The following NGF variants were observed in gnomAD, a reference collection of about 807,000 sequenced individuals.
The protein encoded by NGF is beta-nerve growth factor.
A neutral mutation model predicts 12.8 loss-of-function variants in NGF; 4 were observed. The observed-to-expected ratio is 0.31, with a 90% CI of 0.15 to 0.72. The LOEUF is 0.72. Among genes scored for constraint, NGF ranks in the 30% least tolerant of loss-of-function variants. The pLI is 0.69. For synonymous variants in NGF, 140 were observed against 130.0 expected (o/e 1.08, Z -0.52); for missense variants, 283 against 330.8 (o/e 0.86, Z 1.12).
At chr1:115,300,864 G>A (rs933431624) in intron 1 of NGF, among the ~76,000 whole-genome samples, 11 of 152,186 alleles carry the variant, frequency 7.2e-5, no homozygotes, top group African/African-American at 2.4e-4. Flanking sequence ...AGTCCCACAT[G>A]GGCTCCTATT....
chr1:115,319,054 G>A (rs1049479998), intron 1 of NGF, among the ~76,000 whole-genome samples: 1 of 152,282 alleles, frequency 6.6e-6, no homozygotes. Flanking sequence ...AGACATACAG[G>A]TCTTATTCAG....
chr1:115,299,145 T>A (rs916523022), intron 1 of NGF, among the ~76,000 whole-genome samples: 2 of 152,182 alleles, frequency 1.3e-5, no homozygotes, highest in Non-Finnish European at 2.9e-5. Flanking sequence ...GCACATCCAA[T>A]AGGAAAATAA....
intron 1 of NGF, among the ~76,000 whole-genome samples, chr1:115,298,766 C>T (rs984604563): frequency 6.6e-6 from 1 of 151,698 alleles, no homozygotes; most frequent in Admixed American, 6.6e-5. Context: ...TGGTAATAGC[C>T]AAATCGATCA....
At chr1:115,328,219 C>T (rs1654826292) in intron 1 of NGF, among the ~76,000 whole-genome samples, 1 of 152,122 alleles carries the variant, frequency 6.6e-6, no homozygotes, top group Non-Finnish European at 1.5e-5. Flanking sequence ...AGAATGGGGG[C>T]AGGCTAAGCT....
chr1:115,293,206 T>A (rs1238341022), intron 2 of NGF, among the ~76,000 whole-genome samples: 1 of 152,054 alleles, frequency 6.6e-6, no homozygotes, highest in Non-Finnish European at 1.5e-5. Context: ...GAGCCACACC[T>A]CCTGTGTGCA....
At chr1:115,313,886 A>C (rs957929088) in intron 1 of NGF, among the ~76,000 whole-genome samples, 10 of 152,208 alleles carry the variant, frequency 6.6e-5, no homozygotes, top group African/African-American at 2.4e-4. Flanking sequence ...AATTCCTAGT[A>C]CATTGTGTCA....
chr1:115,327,221 G>C (rs554265449), intron 1 of NGF, among the ~76,000 whole-genome samples: 1 of 152,292 alleles, frequency 6.6e-6, no homozygotes, highest in South Asian at 2.1e-4. Context: ...TGAACATTTT[G>C]TGCACCATGT....
chr1:115,295,001 A>C (rs570867229), intron 1 of NGF, among the ~76,000 whole-genome samples: 1 of 152,168 alleles, frequency 6.6e-6, no homozygotes, highest in Non-Finnish European at 1.5e-5. Flanking sequence ...CCTCCCAATA[A>C]AGTTCTAGAA....
chr1:115,337,281 T>TTTG (rs1557950875), intron 1 of NGF, among the ~76,000 whole-genome samples: 1 of 88,442 alleles, frequency 1.1e-5, no homozygotes, highest in Non-Finnish European at 2.5e-5. Flanking sequence ...TTTTTTTTTT[T>TTTG]TTTTTTTTTT....
intron 1 of NGF, among the ~76,000 whole-genome samples, chr1:115,328,167 G>A (rs2101053317): frequency 1.8e-5 from 1 of 55,142 alleles, no homozygotes; most frequent in African/African-American, 1.8e-4. Context: ...ATTTTACTAG[G>A]GAGAGAGTTG....
Position 115,286,369 on chromosome 1 carries a change from C to T in NGF, c.427G>A (p.Val143Ile). The T allele has an allele frequency of 6.2e-7, 1 of 1,614,060 alleles. No homozygotes were observed. Among genetic ancestry groups the T allele is most frequent in the Non-Finnish European group, 8.5e-7 (1 of 1,180,024 alleles). ...TCTGTGGCGGTGGTCTTATCCCCAACCCACACGCTGACACTGTCACACACC... is the reference window on the plus strand; with the variant it reads ...TCTGTGGCGGTGGTCTTATCCCCAATCCACACGCTGACACTGTCACACACC... ...FSVCDSVSVW[V>I]GDKTTATDIK... The change falls in exon 3 of 3, where the codon GTT becomes ATT. Residue 143 changes from valine (V) to isoleucine (I), a missense_variant. Transcript: ENST00000369512.
intron 1 of NGF, among the ~76,000 whole-genome samples, chr1:115,297,157 T>C (rs11102919): frequency 0.14 from 20,865 of 152,210 alleles, 1,953 homozygotes; most frequent in African/African-American, 0.25. Context: ...TCTTGGGTTT[T>C]ACCACAAACC....
At chr1:115,314,255 A>G (rs1353817985) in intron 1 of NGF, among the ~76,000 whole-genome samples, 1 of 151,782 alleles carries the variant, frequency 6.6e-6, no homozygotes, top group Non-Finnish European at 1.5e-5. Flanking sequence ...GATCCAATCG[A>G]CCCTTCTGTT....
rs1003004632 is a variant in NGF at position 115,328,281 on chromosome 1, G to C, written c.-137+9923C>G. ...TTGTCATCACTGATCTGTCCTCAGA[G>C]GCTACATTAGCCAGGCTCTCAAGAA... On this transcript the variant is annotated intron_variant, in intron 1 of 2. Coordinates refer to ENST00000369512, the MANE Select transcript of NGF (RefSeq NM_002506.3). Among the ~76,000 whole-genome samples the C allele has an allele frequency of 2.6e-4, 39 of 152,172 alleles. 1 individual carries two copies. Among genetic ancestry groups the C allele is most frequent in the Admixed American group, 2.0e-4 (3 of 15,282 alleles).
In NGF at chr1:115,333,760, C is replaced by CTT. The variant is rs146577215; in HGVS notation, c.-137+4443_-137+4444insAA. Among the ~76,000 whole-genome samples the CTT allele has an allele frequency of 1.5e-5, 2 of 131,554 alleles. 1 individual carries two copies. The highest frequency in any genetic ancestry group is 5.0e-4 in the South Asian group (2 of 3,966). The allele number at this position is 131,554 out of a possible 152,430, so 86.3% of individuals were successfully genotyped here. On this transcript the variant is annotated intron_variant, in intron 1 of 2. Coordinates refer to ENST00000369512, the MANE Select transcript of NGF (RefSeq NM_002506.3). Reference sequence around the variant, plus strand: ...TTTCTTTCTTCCTTCCTCCCTCCCCCCTCTCTCTCTTTCTTCATTCCTTCC... The same window carrying CTT: ...TTTCTTTCTTCCTTCCTCCCTCCCCCTTCTCTCTCTCTTTCTTCATTCCTTCC...
chr1:115,314,763 T>C (rs187241883), intron 1 of NGF, among the ~76,000 whole-genome samples: 24 of 152,254 alleles, frequency 1.6e-4, no homozygotes, highest in African/African-American at 5.5e-4. Flanking sequence ...GGGGATATAG[T>C]CGTGAACAGA....
chr1:115,337,068 G>C (rs1279883232), intron 1 of NGF, among the ~76,000 whole-genome samples: 4 of 152,080 alleles, frequency 2.6e-5, no homozygotes, highest in Non-Finnish European at 5.9e-5. Flanking sequence ...CACCCAAAAG[G>C]CTTTGCTGTA....
At chr1:115,298,312 TC>T (rs1653933123) in intron 1 of NGF, among the ~76,000 whole-genome samples, 1 of 151,978 alleles carries the variant, frequency 6.6e-6, no homozygotes, top group South Asian at 2.1e-4. Context: ...GTTGATTTTT[TC>T]CCCCCAAAAG....
At chr1:115,312,687 C>A (rs1158040522) in intron 1 of NGF, among the ~76,000 whole-genome samples, 1 of 152,138 alleles carries the variant, frequency 6.6e-6, no homozygotes, top group African/African-American at 2.4e-5. Flanking sequence ...AGCCAACTAA[C>A]AAAATGTCTA....
Sources: allele counts gnomAD v4.1 joint callset (sites outside exome capture counted in the v4.1 genomes callset), GRCh38; gene constraint gnomAD v4.1.1; transcripts MANE v1.5; gene names NCBI Gene and HGNC (gene_info 2026-07-23, HGNC 2026-07-21).